Variants in MON2 observed in about 807,000 individuals in gnomAD.
MON2 encodes MON2 regulator of endosome-to-Golgi trafficking, also known as protein MON2 homolog.
A neutral mutation model predicts 208.6 loss-of-function variants in MON2; 84 were observed. That is an observed-to-expected ratio of 0.40 (90% CI 0.34 to 0.48). The LOEUF (loss-of-function observed/expected upper bound fraction) is 0.48. Among genes scored for constraint, MON2 ranks in the 20% least tolerant of loss-of-function variants. The probability of loss-of-function intolerance (pLI) is 0.59; values close to 1 mark genes in which losing one functional copy is unlikely to be tolerated. For synonymous variants in MON2, 660 were observed against 694.0 expected, an observed-to-expected ratio of 0.95 and a Z score of 0.77; for missense variants, 1,611 against 2,015.4, an observed-to-expected ratio of 0.80 and a Z score of 3.84.
chr12:62,480,470 A>ATGG lies in MON2; in HGVS notation c.112-3699_112-3697dup, dbSNP rs568828149. Among the ~76,000 whole-genome samples the ATGG allele has an allele frequency of 1.1e-3, 160 of 152,200 alleles. 1 individual carries two copies. Among genetic ancestry groups the ATGG allele is most frequent in the South Asian group, 5.0e-3 (24 of 4,820 alleles). ...GTCCCAGGCTACTCAGGAGGCTGAG[A>ATGG]TGGATGGATTGCTTGAGCCTAGGGG... is the stretch of plus-strand genomic sequence containing the variant. On this transcript the variant is annotated intron_variant, in intron 1 of 34. Transcript: ENST00000393630.
chr12:62,551,251 G>A (rs1303801241), intron 23 of MON2, among the ~76,000 whole-genome samples: 1 of 152,134 alleles, frequency 6.6e-6, no homozygotes, highest in Non-Finnish European at 1.5e-5. Context: ...TTGATTGAAA[G>A]TGAGACAAAT....
chr12:62,494,884 A>G (rs146444840), intron 3 of MON2, 132 bp from the exon 4 acceptor site: 257 of 560,158 alleles, frequency 4.6e-4, no homozygotes, highest in Non-Finnish European at 6.7e-4. Flanking sequence ...CTAGAAATCT[A>G]AAAATATGGG....
chr12:62,472,200 A>G (rs1269672931), intron 1 of MON2, among the ~76,000 whole-genome samples: 2 of 152,172 alleles, frequency 1.3e-5, no homozygotes, highest in African/African-American at 4.8e-5. Context: ...GGGAAGGTTA[A>G]AGGCTAGCAG....
intron 7 of MON2, among the ~76,000 whole-genome samples, chr12:62,506,141 C>T (rs546498579): frequency 4.6e-5 from 7 of 152,178 alleles, no homozygotes; most frequent in African/African-American, 1.4e-4. Flanking sequence ...TATATTTTAA[C>T]CAATATACAA....
chr12:62,574,645 A>G (rs2074713022), intron 30 of MON2, among the ~76,000 whole-genome samples: 1 of 152,152 alleles, frequency 6.6e-6, no homozygotes, highest in Non-Finnish European at 1.5e-5. Flanking sequence ...TCAGCTCTCA[A>G]GTAACACAGT....
At chr12:62,498,730 GCTAAT>G (rs2070676296) in intron 4 of MON2, among the ~76,000 whole-genome samples, 184 bp from the exon 5 acceptor site, 1 of 152,098 alleles carries the variant, frequency 6.6e-6, no homozygotes, top group Non-Finnish European at 1.5e-5. Context: ...CATTACCATA[GCTAAT>G]CTTCTGTGGC....
At position 62,592,770 on chromosome 12, in the gene MON2, A is replaced by G; in HGVS notation, c.*21A>G. The G allele has an allele frequency of 6.4e-7, 1 of 1,552,030 alleles. No individual in the cohort carries two copies. The highest frequency in any genetic ancestry group is 1.7e-5 in the Admixed American group (1 of 58,416). On this transcript the variant is annotated 3_prime_UTR_variant, in exon 35 of 35. Coordinates refer to ENST00000393630, the MANE Select transcript of MON2 (RefSeq NM_015026.3). ...CTTGACCGGCTACAATATATTTGAA[A>G]GCAGGAAGATAGTCTAAAAAATGTT...
intron 2 of MON2, among the ~76,000 whole-genome samples, chr12:62,486,005 A>T (rs1181318285): frequency 6.6e-6 from 1 of 152,150 alleles, no homozygotes; most frequent in Non-Finnish European, 1.5e-5. Flanking sequence ...CCCGGCCAGC[A>T]TGTGGGTTTT....
At position 62,599,034 on chromosome 12, in the gene MON2, A is replaced by C. The variant is rs2075578791; in HGVS notation, c.*6285A>C. The C allele has an allele frequency of 6.6e-6, 1 of 152,166 alleles. No homozygotes were observed. The highest frequency in any genetic ancestry group is 6.5e-5 in the Admixed American group (1 of 15,280). The allele number at this position is 152,166 out of a possible 1,614,324, so 9.4% of individuals were successfully genotyped here. A position where few individuals can be genotyped will look rare whatever the true frequency, so the allele number is the denominator to read the frequency against. On this transcript the variant is annotated 3_prime_UTR_variant, in exon 35 of 35. Transcript: ENST00000393630. ...GCTTTCTCATCCCCGTTAAGTCTGA[A>C]ACATTATTGACACCCCACATCACTT...
At chr12:62,494,891 T>A (rs2070386310) in intron 3 of MON2, 125 bp from the exon 4 acceptor site, 1 of 572,658 alleles carries the variant, frequency 1.7e-6, no homozygotes, top group South Asian at 3.9e-5. Context: ...TCTAAAAATA[T>A]GGGTTTTGTT....
intron 8 of MON2, among the ~76,000 whole-genome samples, chr12:62,518,473 A>G (rs893291937): frequency 6.6e-6 from 1 of 152,208 alleles, no homozygotes; most frequent in Non-Finnish European, 1.5e-5. Flanking sequence ...TTTAGGCTCC[A>G]TAACACACTT....
chr12:62,511,858 T>C (rs1435774715), intron 8 of MON2, among the ~76,000 whole-genome samples: 1 of 152,138 alleles, frequency 6.6e-6, no homozygotes, highest in African/African-American at 2.4e-5. Flanking sequence ...TACCCGAGAC[T>C]GGGCAATTTA....
At chr12:62,584,925 A>G (rs1316056867) in intron 32 of MON2, among the ~76,000 whole-genome samples, 1 of 151,972 alleles carries the variant, frequency 6.6e-6, no homozygotes, top group Non-Finnish European at 1.5e-5. Flanking sequence ...GTTTGACCAC[A>G]TGAAAAACTA....
intron 29 of MON2, among the ~76,000 whole-genome samples, chr12:62,569,730 G>A (rs2074515504): frequency 6.6e-6 from 1 of 152,102 alleles, no homozygotes; most frequent in South Asian, 2.1e-4. Flanking sequence ...CTCTTTGCCT[G>A]AATTCCCAAA....
At chr12:62,535,820 G>A in intron 14 of MON2, 111 bp downstream of exon 14, 1 of 481,086 alleles carries the variant, frequency 2.1e-6, no homozygotes, top group Non-Finnish European at 2.9e-6. Flanking sequence ...CTGACTGTGT[G>A]ACCTTGGGGA....
chr12:62,560,275 C>T, intron 25 of MON2: 1 of 436,730 alleles, frequency 2.3e-6, no homozygotes, highest in Non-Finnish European at 4.0e-6. Flanking sequence ...CCTCTTGGTG[C>T]CCTTTGTTCC....
intron 1 of MON2, among the ~76,000 whole-genome samples, chr12:62,483,454 ACTTTGGGAGG>A (rs1425638473): frequency 6.6e-6 from 1 of 152,212 alleles, no homozygotes; most frequent in Non-Finnish European, 1.5e-5. Flanking sequence ...TAATCCTGGC[ACTTTGGGAGG>A]CTGAGATGGG....
chr12:62,570,704 TG>T (rs944831528), intron 29 of MON2, among the ~76,000 whole-genome samples: 1 of 150,296 alleles, frequency 6.7e-6, no homozygotes, highest in Non-Finnish European at 1.5e-5. Flanking sequence ...GGAATAACTA[TG>T]GCAGAATTTT....
chr12:62,566,118 CT>C, intron 28 of MON2, 87 bp downstream of exon 28: 2 of 1,430,388 alleles, frequency 1.4e-6, no homozygotes, highest in Admixed American at 2.1e-5. Context: ...GCTGTATGTG[CT>C]TTTTCCAATA....
Sources: gnomAD v4.1 joint callset for allele counts (sites outside exome capture counted in the v4.1 genomes callset) on GRCh38, gnomAD v4.1.1 for gene constraint, MANE v1.5 for transcripts, NCBI Gene and HGNC (gene_info 2026-07-23, HGNC 2026-07-21) for gene names.